STK3: variants seen among roughly 807,000 people sequenced by gnomAD.
STK3 encodes the protein serine/threonine kinase 3.
In STK3, 41 loss-of-function variants were observed where a neutral mutation model predicts 58.0. The observed-to-expected ratio is 0.71, with a 90% CI of 0.55 to 0.92. STK3 has a LOEUF of 0.92. Among genes scored for constraint, STK3 ranks in the 40% least tolerant of loss-of-function variants. The pLI, the probability that STK3 is intolerant of heterozygous loss-of-function variation, is 0.00. For missense variants in STK3, 479 were observed against 602.7 expected (o/e 0.79, Z 2.15); for synonymous variants, 170 against 191.0 (o/e 0.89, Z 0.91).
chr8:98,610,933 A>G (rs1817147468), intron 6 of STK3, among the ~76,000 whole-genome samples: 1 of 152,258 alleles, frequency 6.6e-6, no homozygotes, highest in Admixed American at 6.5e-5. Context: ...GTGAAAGTTA[A>G]TCAAGTAATC....
intron 1 of STK3, among the ~76,000 whole-genome samples, chr8:98,811,974 T>C (rs144732898): frequency 6.6e-6 from 1 of 152,168 alleles, no homozygotes; most frequent in African/African-American, 2.4e-5. Context: ...CATACCCAGC[T>C]AATTTTTGTA....
chr8:98,730,999 G>A (rs1157302299), intron 4 of STK3, among the ~76,000 whole-genome samples: 1 of 152,202 alleles, frequency 6.6e-6, no homozygotes, highest in Admixed American at 6.5e-5. Flanking sequence ...AAGTACAGAA[G>A]GAGGAGGAAA....
downstream of STK3, among the ~76,000 whole-genome samples, chr8:98,397,217 C>A (rs542882294): frequency 6.6e-6 from 1 of 152,344 alleles, no homozygotes; most frequent in South Asian, 2.1e-4. Context: ...AACCTGCTGC[C>A]AGCTTACAAT....
At chr8:98,384,372 T>C (rs1012721799) in intron 1 of STK3, among the ~76,000 whole-genome samples, 3 of 152,362 alleles carry the variant, frequency 2.0e-5, no homozygotes, top group African/African-American at 4.8e-5. Flanking sequence ...GTGTGCTTTC[T>C]TACTCCATTC....
chr8:98,870,946 G>A (rs1309793387), intron 3 of STK3, among the ~76,000 whole-genome samples: 1 of 152,124 alleles, frequency 6.6e-6, no homozygotes, highest in Non-Finnish European at 1.5e-5. Context: ...GTATTGCCTA[G>A]GTTTTCCTCT....
At chr8:98,448,828 G>T (rs1819068673) in intron 1 of STK3, among the ~76,000 whole-genome samples, 1 of 152,108 alleles carries the variant, frequency 6.6e-6, no homozygotes, top group South Asian at 2.1e-4. Flanking sequence ...TTTGTATCAT[G>T]CTAAAAACTA....
At chr8:98,575,554 G>C (rs1001801601) in intron 8 of STK3, among the ~76,000 whole-genome samples, 3 of 150,912 alleles carry the variant, frequency 2.0e-5, no homozygotes, top group African/African-American at 7.3e-5. Flanking sequence ...ACCACAACTG[G>C]GCCCTGTCCT....
the STK3 span, among the ~76,000 whole-genome samples, chr8:98,352,635 G>C: frequency 6.6e-6 from 1 of 152,154 alleles, no homozygotes; most frequent in Non-Finnish European, 1.5e-5. Flanking sequence ...AGACTTGCAA[G>C]ACAAAAACTG....
chr8:98,439,987 A>G (rs890736009), intron 1 of STK3, among the ~76,000 whole-genome samples: 1 of 152,176 alleles, frequency 6.6e-6, no homozygotes, highest in African/African-American at 2.4e-5. Flanking sequence ...GGAAGAGGTG[A>G]CGCCTGAGCT....
the STK3 span, among the ~76,000 whole-genome samples, chr8:98,347,529 A>T: frequency 7.0e-6 from 1 of 143,004 alleles, no homozygotes; most frequent in South Asian, 2.2e-4. Flanking sequence ...AAAAACAAAA[A>T]AAACCAAAAA....
At chr8:98,914,301 G>A (rs1265014449) in intron 1 of STK3, among the ~76,000 whole-genome samples, 1 of 152,068 alleles carries the variant, frequency 6.6e-6, no homozygotes, top group East Asian at 1.9e-4. Flanking sequence ...CAAAAATAGA[G>A]GCTAAGGTGG....
At chr8:98,898,440 G>T (rs1182826197) in intron 1 of STK3, among the ~76,000 whole-genome samples, 6 of 152,162 alleles carry the variant, frequency 3.9e-5, no homozygotes, top group Non-Finnish European at 8.8e-5. Flanking sequence ...TTCACTCAGG[G>T]AATAGTCAAG....
chr8:98,866,158 C>T (rs2131862574), intron 3 of STK3, among the ~76,000 whole-genome samples: 1 of 152,366 alleles, frequency 6.6e-6, no homozygotes, highest in East Asian at 1.9e-4. Flanking sequence ...CTCAAAGCAC[C>T]TCCTGTTGAG....
intron 3 of STK3, among the ~76,000 whole-genome samples, chr8:98,870,040 T>A (rs1837312404): frequency 6.6e-6 from 1 of 152,114 alleles, no homozygotes. Flanking sequence ...TTCCCCACCC[T>A]GTGTCCAAGT....
chr8:98,561,640 A>T (rs1812044234), intron 8 of STK3, among the ~76,000 whole-genome samples: 1 of 152,160 alleles, frequency 6.6e-6, no homozygotes, highest in Non-Finnish European at 1.5e-5. Flanking sequence ...TGTGCGAAAG[A>T]ATGAGACCCT....
chr8:98,623,761 G>A (rs534192284), intron 6 of STK3, among the ~76,000 whole-genome samples: 1 of 152,152 alleles, frequency 6.6e-6, no homozygotes, highest in South Asian at 2.1e-4. Context: ...TCCAGACTGG[G>A]AGACAGAGCA....
downstream of STK3, chr8:98,881,814 AT>A (rs1332053411): frequency 6.6e-6 from 1 of 152,180 alleles, no homozygotes; most frequent in Non-Finnish European, 1.5e-5. Flanking sequence ...AGAAGCTAGC[AT>A]TTTATTTCTT....
chr8:98,468,689 G>C (rs1206989037), intron 10 of STK3, among the ~76,000 whole-genome samples: 3 of 152,204 alleles, frequency 2.0e-5, no homozygotes, highest in Non-Finnish European at 2.9e-5. Flanking sequence ...GTGTCTCATG[G>C]GGGAAGAATC....
Position 98,526,794 on chromosome 8 carries a change from T to C in STK3, c.1265A>G (p.Lys422Arg), listed in dbSNP as rs907796486. ...QNMHEPFPMS[K>R]NVFPDNWKVP... is the part of the protein sequence containing the mutation. ...TTTCCAGTTATCAGGAAAAACGTTT[T>C]TGGACATAGGGAAGGGTTCATGCAT... The change falls in exon 10 of 11, where the codon AAA (lysine) becomes AGA (arginine). Residue 422 changes from lysine to arginine, a missense_variant. This residue lies in a region of STK3 where 309 missense variants were observed against 355.7 expected (regional missense o/e 0.87). Transcript: ENST00000419617. 2 of 1,589,110 alleles carry C rather than the reference T, an allele frequency of 1.3e-6. No homozygotes were observed. Among genetic ancestry groups the C allele is most frequent in the East Asian group, 2.2e-5 (1 of 44,496 alleles).
Sources: allele counts gnomAD v4.1 joint callset (sites outside exome capture counted in the v4.1 genomes callset), GRCh38; gene constraint gnomAD v4.1.1; regional missense constraint gnomAD v4.1.1; transcripts MANE v1.5; gene names NCBI Gene and HGNC (gene_info 2026-07-23, HGNC 2026-07-21).